The following DAB1 variants were observed in gnomAD, a reference collection of about 807,000 sequenced individuals.
DAB1 encodes the protein disabled homolog 1.
Under a neutral mutation model 64.6 loss-of-function variants are expected in DAB1, and 15 were observed. The ratio of observed to expected loss-of-function variants is 0.23; its 90% CI spans 0.16 to 0.36. The LOEUF is 0.36. Ranked by LOEUF, DAB1 falls within the 10% of genes least tolerant of loss-of-function variation. The probability of loss-of-function intolerance (pLI) is 1.00; values close to 1 mark genes in which losing one functional copy is unlikely to be tolerated. For missense variants in DAB1, 596 were observed against 706.7 expected, an observed-to-expected ratio of 0.84 and a Z score of 1.78; for synonymous variants, 235 against 251.9, an observed-to-expected ratio of 0.93 and a Z score of 0.64.
At chr1:57,742,378 T>C (rs1159140534) in intron 6 of DAB1, among the ~76,000 whole-genome samples, 2 of 152,154 alleles carry the variant, frequency 1.3e-5, no homozygotes, top group African/African-American at 4.8e-5. Context: ...TATCAAAATG[T>C]GGGATCAAAA....
intron 10 of DAB1, 47 bp downstream of exon 10, chr1:57,025,934 A>C: frequency 6.8e-7 from 1 of 1,474,782 alleles, no homozygotes; most frequent in Non-Finnish European, 9.1e-7. Context: ...GGGATGTGTA[A>C]AGAAAGGAAT....
At chr1:57,777,914 C>T (rs1649892133) in intron 6 of DAB1, among the ~76,000 whole-genome samples, 1 of 152,002 alleles carries the variant, frequency 6.6e-6, no homozygotes, top group Non-Finnish European at 1.5e-5. Flanking sequence ...TGTTGAAGTT[C>T]ATTTTGGCAG....
At chr1:57,590,480 C>T (rs900296481) in intron 7 of DAB1, among the ~76,000 whole-genome samples, 1 of 151,756 alleles carries the variant, frequency 6.6e-6, no homozygotes, top group Non-Finnish European at 1.5e-5. Flanking sequence ...TCACCATGCT[C>T]AGCTAATTTT....
intron 4 of DAB1, among the ~76,000 whole-genome samples, chr1:58,209,867 T>C (rs1436766035): frequency 6.6e-6 from 1 of 151,742 alleles, no homozygotes; most frequent in Non-Finnish European, 1.5e-5. Context: ...AATTAGAAAA[T>C]GAAAAAAAAT....
chr1:57,315,759 C>A (rs998433556), intron 1 of DAB1, among the ~76,000 whole-genome samples: 1 of 152,168 alleles, frequency 6.6e-6, no homozygotes, highest in Non-Finnish European at 1.5e-5. Flanking sequence ...GCCTTGGCTT[C>A]CCAAAGTGCT....
intron 5 of DAB1, among the ~76,000 whole-genome samples, chr1:57,892,480 C>T (rs1644331309): frequency 6.6e-6 from 1 of 152,174 alleles, no homozygotes; most frequent in Non-Finnish European, 1.5e-5. Context: ...ACATAGGTCA[C>T]TATTAATATT....
intron 7 of DAB1, among the ~76,000 whole-genome samples, chr1:57,523,170 G>A (rs949361725): frequency 2.0e-5 from 3 of 152,142 alleles, no homozygotes; most frequent in Non-Finnish European, 2.9e-5. Flanking sequence ...GAACCCTGAC[G>A]AATACACCCC....
At chr1:57,610,023 C>T (rs1645707212) in intron 7 of DAB1, among the ~76,000 whole-genome samples, 2 of 152,158 alleles carry the variant, frequency 1.3e-5, no homozygotes, top group Non-Finnish European at 2.9e-5. Context: ...GACTAGAATC[C>T]TCTGCTGGCA....
intron 4 of DAB1, among the ~76,000 whole-genome samples, chr1:57,086,699 T>C (rs1285147373): frequency 2.4e-5 from 3 of 122,734 alleles, no homozygotes; most frequent in Admixed American, 8.2e-5. Context: ...GAAAAAAACC[T>C]GAATGGCGGG....
intron 4 of DAB1, among the ~76,000 whole-genome samples, chr1:58,257,427 A>C (rs942262011): frequency 2.6e-5 from 4 of 152,220 alleles, no homozygotes; most frequent in Non-Finnish European, 5.9e-5. Flanking sequence ...CTATGACTGC[A>C]TGCAGGTGTT....
intron 7 of DAB1, among the ~76,000 whole-genome samples, chr1:57,632,324 C>A (rs554399058): frequency 2.0e-5 from 3 of 152,108 alleles, no homozygotes; most frequent in Admixed American, 6.5e-5. Flanking sequence ...AAAAATAAAT[C>A]TTTTCTTTAA....
At chr1:57,301,599 G>A (rs773423569) in intron 1 of DAB1, among the ~76,000 whole-genome samples, 3 of 152,146 alleles carry the variant, frequency 2.0e-5, no homozygotes, top group South Asian at 2.1e-4. Flanking sequence ...AACAAACGCC[G>A]CATTTGGCAG....
At position 57,718,002 on chromosome 1, in the gene DAB1, C is replaced by T. The variant is rs536041435; in HGVS notation, n.552-68337G>A. 7.2e-5 allele frequency among the ~76,000 whole-genome samples: 11 copies of T among 152,196 alleles called. No homozygotes were observed. In the South Asian group the frequency reaches 2.3e-3, roughly 32 times the overall value. ...GAGATTGCTCAAGGGTACAAATTTA[C>T]AGATAGATAGGAAGAACAAGTTCTG... is the stretch of plus-strand genomic sequence containing the variant. On this transcript the variant is annotated intron_variant and non_coding_transcript_variant, in intron 6 of 20. Coordinates refer to the DAB1 transcript ENST00000485760.
At chr1:57,241,785 G>A (rs1668513036) in intron 2 of DAB1, among the ~76,000 whole-genome samples, 1 of 152,126 alleles carries the variant, frequency 6.6e-6, no homozygotes. Flanking sequence ...TGGAAGGGAA[G>A]CTTTGGGGTT....
chr1:57,674,037 A>G (rs1048927294), intron 6 of DAB1, among the ~76,000 whole-genome samples: 1 of 152,204 alleles, frequency 6.6e-6, no homozygotes, highest in African/African-American at 2.4e-5. Flanking sequence ...ACCACCCTAG[A>G]GGGTTGTTGA....
At chr1:57,163,098 C>T (rs1196833728) in intron 2 of DAB1, among the ~76,000 whole-genome samples, 1 of 152,176 alleles carries the variant, frequency 6.6e-6, no homozygotes, top group East Asian at 1.9e-4. Context: ...AAGCACTGGC[C>T]CAAGTCCCAG....
At chr1:58,025,649 GTGTATATATATATATATATATATA>G (rs1182481995) in intron 5 of DAB1, among the ~76,000 whole-genome samples, 22 of 115,050 alleles carry the variant, frequency 1.9e-4, no homozygotes, top group Admixed American at 1.6e-3. Context: ...ATATATATGT[GTGTATATATATATATATATATATA>G]TATATATATA....
chr1:58,521,398 A>G (rs909388811), intron 2 of DAB1, among the ~76,000 whole-genome samples: 2 of 152,050 alleles, frequency 1.3e-5, no homozygotes, highest in African/African-American at 4.8e-5. Context: ...CACATATGAA[A>G]CCCAAAAAAT....
At chr1:58,144,187 T>C (rs543866412) in intron 5 of DAB1, among the ~76,000 whole-genome samples, 2 of 152,346 alleles carry the variant, frequency 1.3e-5, no homozygotes, top group Non-Finnish European at 2.9e-5. Context: ...TTTCTGTGTA[T>C]ATAAAGGCAT....
Sources: allele counts gnomAD v4.1 joint callset (sites outside exome capture counted in the v4.1 genomes callset), GRCh38; gene constraint gnomAD v4.1.1; transcripts MANE v1.5; gene names NCBI Gene and HGNC (gene_info 2026-07-23, HGNC 2026-07-21).